Variants in IFNAR1 observed in about 807,000 individuals in gnomAD.
The protein encoded by IFNAR1 is interferon alpha and beta receptor subunit 1, also known as interferon alpha/beta receptor 1.
A neutral mutation model predicts 62.1 loss-of-function variants in IFNAR1; 47 were observed. The observed-to-expected ratio is 0.76, with a 90% CI of 0.60 to 0.97. The LOEUF is 0.97. IFNAR1 is among the 50% of genes least tolerant of loss of function. The pLI is 0.00. For missense variants in IFNAR1, 638 were observed against 654.5 expected, an observed-to-expected ratio of 0.97 and a Z score of 0.27; for synonymous variants, 219 against 226.9, an observed-to-expected ratio of 0.97 and a Z score of 0.31.
upstream of IFNAR1, chr21:33,324,664 C>T: frequency 4.8e-6 from 1 of 209,290 alleles, no homozygotes; most frequent in Non-Finnish European, 9.9e-6. Flanking sequence ...CTGTGAAGGT[C>T]AAGGCCTCCT....
At chr21:33,325,444 C>T (rs572907616) in intron 1 of IFNAR1, among the ~76,000 whole-genome samples, 1 of 152,310 alleles carries the variant, frequency 6.6e-6, no homozygotes, top group East Asian at 1.9e-4. Context: ...ACCGCGGCTC[C>T]GCTGGTCTGT....
intron 1 of IFNAR1, 117 bp from the exon 2 acceptor site, chr21:33,335,407 A>G (rs955570171): frequency 5.4e-5 from 29 of 537,054 alleles, no homozygotes; most frequent in Non-Finnish European, 8.7e-5. Context: ...TTTTTAAAAT[A>G]TACTTCATTA....
At chr21:33,334,297 A>G (rs2083211884) in intron 1 of IFNAR1, among the ~76,000 whole-genome samples, 2 of 152,312 alleles carry the variant, frequency 1.3e-5, no homozygotes, top group South Asian at 4.1e-4. Flanking sequence ...AGTGAACTCA[A>G]AGAGACCACA....
intron 2 of IFNAR1, among the ~76,000 whole-genome samples, chr21:33,337,496 C>T (rs927388259): frequency 3.3e-5 from 5 of 152,048 alleles, no homozygotes; most frequent in African/African-American, 1.2e-4. Flanking sequence ...TTAGGCCCTC[C>T]GGAACCAGGA....
chr21:33,352,896 A>C lies in IFNAR1; in HGVS notation c.1282A>C (p.Lys428Gln), dbSNP rs563741878. 5.6e-5 allele frequency: 89 copies of C among 1,579,066 alleles called. 1 individual carries two copies. In the East Asian group the frequency reaches 1.2e-3, roughly 21 times the overall value. ...SSVFSDAVCE[K>Q]TKPGNTSKIW... ...TGTTTTTAGTGACGCTGTATGTGAG[A>C]AAACAAAACCAGGTCAGAATCTTTT... The change falls in exon 9 of 11, where the codon AAA (lysine) becomes CAA (glutamine). Residue 428 changes from lysine (K) to glutamine (Q), a missense_variant. By Grantham distance (53) the Lys-to-Gln change is moderately conservative (BLOSUM62 1). Transcript: ENST00000270139.
chr21:33,324,882 G>C, upstream of IFNAR1: 1 of 399,678 alleles, frequency 2.5e-6, no homozygotes, highest in Admixed American at 4.6e-5. Flanking sequence ...CGGCGCGTGC[G>C]CGGAGGGGCG....
chr21:33,353,056 A>G (rs1304736677), intron 9 of IFNAR1, 148 bp downstream of exon 9: 2 of 514,250 alleles, frequency 3.9e-6, no homozygotes, highest in Non-Finnish European at 6.4e-6. Context: ...CATGAATCAA[A>G]AGTAGACTTT....
chr21:33,355,443 A>G lies in IFNAR1; in HGVS notation c.1568A>G (p.Asp523Gly). The G allele has an allele frequency of 6.2e-7, 1 of 1,601,736 alleles. No individual in the cohort carries two copies. Among genetic ancestry groups the G allele is most frequent in the Non-Finnish European group, 8.5e-7 (1 of 1,171,560 alleles). Residue 523 changes from aspartate (D) to glycine (G), a missense_variant, in exon 11 of 11, where the codon GAT becomes GGT. Physicochemically the swap from Asp to Gly is moderately conservative, Grantham distance 94. Coordinates refer to ENST00000270139, the MANE Select transcript of IFNAR1 (RefSeq NM_000629.3). Reference protein sequence around the residue: ...TVEETNQTDEDHKKYSSQTSQ... With the variant: ...TVEETNQTDEGHKKYSSQTSQ... ...GAAGAAACTAATCAAACTGATGAAGATCATAAAAAATACAGTTCCCAAACT... is the reference window on the plus strand; with the variant it reads ...GAAGAAACTAATCAAACTGATGAAGGTCATAAAAAATACAGTTCCCAAACT...
At position 33,330,459 on chromosome 21, in the gene IFNAR1, G is replaced by T. The variant is rs143812530; in HGVS notation, c.77-5065G>T. ...AGTCACTGTACATACCTAGGGAAAGGCTCAGGAGAGACCTTAAGTTTATAG... is the reference window on the plus strand; with the variant it reads ...AGTCACTGTACATACCTAGGGAAAGTCTCAGGAGAGACCTTAAGTTTATAG... On this transcript the variant is annotated intron_variant, in intron 1 of 10. Transcript: ENST00000270139. Among the ~76,000 whole-genome samples the T allele has an allele frequency of 1.5e-3, 221 of 152,248 alleles. 1 individual carries two copies. Among genetic ancestry groups the T allele is most frequent in the African/African-American group, 5.0e-3 (206 of 41,544 alleles).
intron 1 of IFNAR1, chr21:33,334,712 C>A: frequency 1.2e-6 from 1 of 849,324 alleles, no homozygotes; most frequent in East Asian, 2.7e-5. Context: ...CCTTCCCTGA[C>A]CCCAGTGTCA....
intron 6 of IFNAR1, among the ~76,000 whole-genome samples, chr21:33,347,699 T>G (rs1323092073): frequency 1.3e-5 from 2 of 152,214 alleles, no homozygotes; most frequent in Non-Finnish European, 2.9e-5. Context: ...TGTAACCTAA[T>G]TATGAGAGGA....
Position 33,358,736 on chromosome 21 carries a change from T to C in IFNAR1, c.*3187T>C, listed in dbSNP as rs1037418603. On this transcript the variant is annotated 3_prime_UTR_variant, in exon 11 of 11. Transcript: ENST00000270139. ...AGTTAGGGCTAGGCACAGTGGCTCA[T>C]GCCTATAATCTCAGCACTTTTGGGA... is the stretch of plus-strand genomic sequence containing the variant. The C allele has an allele frequency of 3.3e-5, 5 of 152,070 alleles. No individual in the cohort carries two copies. The highest frequency in any genetic ancestry group is 5.9e-5 in the Non-Finnish European group (4 of 68,016). 9.4% of individuals were successfully genotyped at this position (152,070 alleles called of 1,614,324 possible).
chr21:33,355,195 G>A, intron 10 of IFNAR1, 121 bp from the exon 11 acceptor site: 1 of 585,802 alleles, frequency 1.7e-6, no homozygotes, highest in Non-Finnish European at 3.0e-6. Context: ...TTTTTAATAT[G>A]CATGCCAGAA....
chr21:33,353,374 G>A (rs2083416736), intron 9 of IFNAR1, among the ~76,000 whole-genome samples: 1 of 152,144 alleles, frequency 6.6e-6, no homozygotes, highest in Non-Finnish European at 1.5e-5. Context: ...TAAAAGTGCT[G>A]AAGGATACTT....
intron 10 of IFNAR1, among the ~76,000 whole-genome samples, chr21:33,353,991 T>G (rs1233804204): frequency 6.6e-6 from 1 of 152,234 alleles, no homozygotes. Context: ...TTGTCCTTAA[T>G]TTCATATTTT....
chr21:33,348,948 A>C (rs2083374177), intron 6 of IFNAR1, 143 bp from the exon 7 acceptor site: 1 of 570,036 alleles, frequency 1.8e-6, no homozygotes, highest in Non-Finnish European at 3.1e-6. Flanking sequence ...CTTTTATGTT[A>C]GATGCATATC....
Position 33,325,002 on chromosome 21 carries a change from G to A in IFNAR1, c.-54G>A, listed in dbSNP as rs1486918227. 4.7e-6 allele frequency: 7 copies of A among 1,503,766 alleles called. No individual in the cohort carries two copies. In the East Asian group the frequency reaches 1.5e-4, roughly 31 times the overall value. The allele number at this position is 1,503,766 out of a possible 1,614,324, so 93.2% of individuals were successfully genotyped here. A position where few individuals can be genotyped will look rare whatever the true frequency, so the allele number is the denominator to read the frequency against. On this transcript the variant is annotated 5_prime_UTR_variant, in exon 1 of 11. Transcript: ENST00000270139. ...CTTAGGACGGGGCGATGGCGGCTGAGAGGAGCTGCGCGTGCGCGAACATGT... is the reference window on the plus strand; with the variant it reads ...CTTAGGACGGGGCGATGGCGGCTGAAAGGAGCTGCGCGTGCGCGAACATGT...
At position 33,343,366 on chromosome 21, in the gene IFNAR1, G is replaced by T; in HGVS notation, c.475G>T (p.Asp159Tyr). The change falls in exon 4 of 11, where the codon GAT becomes TAT. Residue 159 changes from aspartate (D) to tyrosine (Y), a missense_variant. Asp to Tyr is a radical substitution (Grantham distance 160). Coordinates refer to ENST00000270139, the MANE Select transcript of IFNAR1 (RefSeq NM_000629.3). ...GTKDSVMWAL[D>Y]GLSFTYSLVI... ...AAAAGATAGTGTTATGTGGGCTTTG[G>T]ATGGTTTAAGCTTTACATATAGCTT... 6.2e-7 allele frequency: 1 copy of T among 1,613,070 alleles called. No homozygotes were observed.
chr21:33,344,060 A>T (rs191525808), intron 5 of IFNAR1, among the ~76,000 whole-genome samples: 22 of 152,348 alleles, frequency 1.4e-4, no homozygotes, highest in African/African-American at 4.8e-4. Context: ...CTGAGGCACA[A>T]GAATCCCTTG....
Sources: gnomAD v4.1 joint callset for allele counts (sites outside exome capture counted in the v4.1 genomes callset) on GRCh38, gnomAD v4.1.1 for gene constraint, MANE v1.5 for transcripts, NCBI Gene and HGNC (gene_info 2026-07-23, HGNC 2026-07-21) for gene names.